Variants in ZCCHC7 observed in about 807,000 individuals in gnomAD.
The protein encoded by ZCCHC7 is zinc finger CCHC domain-containing protein 7.
A neutral mutation model predicts 52.0 loss-of-function variants in ZCCHC7; 35 were observed. The ratio of observed to expected loss-of-function variants is 0.67; its 90% CI spans 0.51 to 0.89. ZCCHC7 has a LOEUF of 0.89. ZCCHC7 is among the 40% of genes least tolerant of loss of function. ZCCHC7 has a pLI of 0.00. For synonymous variants in ZCCHC7, 217 were observed against 221.5 expected (o/e 0.98, Z 0.18); for missense variants, 574 against 649.1 (o/e 0.88, Z 1.26).
chr9:37,132,210 G>T (rs1842814661), intron 2 of ZCCHC7, among the ~76,000 whole-genome samples: 1 of 152,084 alleles, frequency 6.6e-6, no homozygotes, highest in African/African-American at 2.4e-5. Context: ...TTGTGAGGGG[G>T]ATCTCAAGTT....
intron 2 of ZCCHC7, among the ~76,000 whole-genome samples, chr9:37,159,970 A>G (rs997395928): frequency 1.3e-5 from 2 of 152,226 alleles, no homozygotes; most frequent in African/African-American, 4.8e-5. Flanking sequence ...AAACAGTAGA[A>G]TTTAAAGAGA....
intron 2 of ZCCHC7, among the ~76,000 whole-genome samples, chr9:37,184,529 T>G (rs1822546379): frequency 6.6e-6 from 1 of 152,136 alleles, no homozygotes; most frequent in Non-Finnish European, 1.5e-5. Context: ...CCCTGACACC[T>G]CTATTTCTGG....
At chr9:37,154,065 T>G (rs1820681608) in intron 2 of ZCCHC7, among the ~76,000 whole-genome samples, 1 of 151,966 alleles carries the variant, frequency 6.6e-6, no homozygotes, top group Non-Finnish European at 1.5e-5. Flanking sequence ...AATTTTTTGA[T>G]TTTTTGTAGA....
chr9:37,162,547 T>A (rs1483428297), intron 2 of ZCCHC7, among the ~76,000 whole-genome samples: 1 of 152,230 alleles, frequency 6.6e-6, no homozygotes, highest in Admixed American at 6.5e-5. Context: ...TTGAGATTCA[T>A]CCATAAAGTA....
chr9:37,265,522 A>G (rs1047240524), intron 2 of ZCCHC7, among the ~76,000 whole-genome samples: 30 of 152,144 alleles, frequency 2.0e-4, no homozygotes, highest in African/African-American at 7.2e-4. Flanking sequence ...ATATTATCCA[A>G]GTCTTGTTTA....
intron 2 of ZCCHC7, among the ~76,000 whole-genome samples, chr9:37,167,830 AT>A (rs1347414617): frequency 1.3e-5 from 2 of 152,144 alleles, no homozygotes; most frequent in Non-Finnish European, 2.9e-5. Context: ...AATTGATGAG[AT>A]TTTGCAGTCT....
intron 7 of ZCCHC7, among the ~76,000 whole-genome samples, chr9:37,352,657 C>T (rs1490057252): frequency 1.3e-5 from 2 of 151,126 alleles, no homozygotes; most frequent in African/African-American, 4.9e-5. Context: ...GCTGGGATTA[C>T]AGGCATGTGC....
chr9:37,164,952 C>A (rs1031602336), intron 2 of ZCCHC7, among the ~76,000 whole-genome samples: 32 of 152,166 alleles, frequency 2.1e-4, no homozygotes, highest in Admixed American at 7.2e-4. Flanking sequence ...ATCTGTATAT[C>A]CATTGAGAAT....
chr9:37,240,293 A>C (rs1241867714), intron 2 of ZCCHC7, among the ~76,000 whole-genome samples: 2 of 151,820 alleles, frequency 1.3e-5, no homozygotes, highest in Non-Finnish European at 2.9e-5. Context: ...TTGGCTTTAG[A>C]TTGTTACTAA....
At chr9:37,318,356 G>A (rs1242217795) in intron 5 of ZCCHC7, among the ~76,000 whole-genome samples, 2 of 151,984 alleles carry the variant, frequency 1.3e-5, no homozygotes, top group Non-Finnish European at 2.9e-5. Flanking sequence ...AACTACTTGG[G>A]AGGCTGAGGC....
At position 37,357,376 on chromosome 9, in the gene ZCCHC7, G is replaced by A. The variant is rs113952271; in HGVS notation, c.*108G>A. ...TATGATTAAATAAAGTGAGTTTTTG[G>A]TTTTGTTTTTTTAATTTCAGCCATT... On this transcript the variant is annotated 3_prime_UTR_variant, in exon 9 of 9. Transcript: ENST00000336755. 5.5e-5 allele frequency: 64 copies of A among 1,169,332 alleles called. No homozygotes were observed. In the African/African-American group the frequency reaches 9.2e-4, roughly 17 times the overall value. The allele number at this position is 1,169,332 out of a possible 1,614,324, so 72.4% of individuals were successfully genotyped here.
intron 4 of ZCCHC7, among the ~76,000 whole-genome samples, chr9:37,304,672 T>A (rs556720035): frequency 6.8e-6 from 1 of 146,888 alleles, no homozygotes; most frequent in African/African-American, 2.6e-5. Flanking sequence ...AAAAAAAAAA[T>A]CTCAAGTGTG....
chr9:37,141,122 C>T (rs533843952), intron 2 of ZCCHC7, among the ~76,000 whole-genome samples: 1 of 152,012 alleles, frequency 6.6e-6, no homozygotes, highest in East Asian at 1.9e-4. Flanking sequence ...CCCTTTTTAT[C>T]CATACAGATT....
At chr9:37,199,450 G>C (rs2133149822) in intron 2 of ZCCHC7, among the ~76,000 whole-genome samples, 1 of 150,238 alleles carries the variant, frequency 6.7e-6, no homozygotes, top group South Asian at 2.1e-4. Flanking sequence ...TCCTGCCTCA[G>C]CCTCCCGAGT....
At chr9:37,131,212 C>T (rs542568778) in intron 2 of ZCCHC7, among the ~76,000 whole-genome samples, 20 of 151,128 alleles carry the variant, frequency 1.3e-4, no homozygotes, top group Admixed American at 2.6e-4. Flanking sequence ...TGGTGGCGGA[C>T]GCCTGTAGTC....
At chr9:37,212,087 T>C (rs1824270654) in intron 2 of ZCCHC7, among the ~76,000 whole-genome samples, 2 of 128,636 alleles carry the variant, frequency 1.6e-5, no homozygotes, top group African/African-American at 5.7e-5. Context: ...GCAAAATCAC[T>C]GGGGATGATT....
intron 2 of ZCCHC7, chr9:37,186,810 G>T: frequency 2.4e-6 from 1 of 418,150 alleles, no homozygotes; most frequent in Non-Finnish European, 4.6e-6. Context: ...GATGATTTTG[G>T]CACTTTTTCA....
chr9:37,294,244 G>A (rs553858680), intron 2 of ZCCHC7, among the ~76,000 whole-genome samples: 44 of 152,264 alleles, frequency 2.9e-4, no homozygotes, highest in African/African-American at 9.1e-4. Context: ...AAAAGTTTCC[G>A]TTGAAAACAG....
At chr9:37,350,150 C>T (rs1249252487) in intron 7 of ZCCHC7, among the ~76,000 whole-genome samples, 4 of 127,546 alleles carry the variant, frequency 3.1e-5, no homozygotes, top group East Asian at 5.0e-4. Context: ...TTTTTTGAGA[C>T]GGAGTTTCAC....
Sources: allele counts gnomAD v4.1 joint callset (sites outside exome capture counted in the v4.1 genomes callset), GRCh38; gene constraint gnomAD v4.1.1; transcripts MANE v1.5; gene names NCBI Gene and HGNC (gene_info 2026-07-23, HGNC 2026-07-21).